Variants in EXOC4 observed in about 807,000 individuals in gnomAD.
EXOC4 encodes SEC8-like 1.
EXOC4 carries 71 observed loss-of-function variants against 107.2 expected under a neutral mutation model. That is an observed-to-expected ratio of 0.66 (90% CI 0.55 to 0.81). The LOEUF (loss-of-function observed/expected upper bound fraction) is 0.81. EXOC4 is among the 30% of genes least tolerant of loss of function. The probability of loss-of-function intolerance (pLI) is 0.00; values close to 1 mark genes in which losing one functional copy is unlikely to be tolerated. For synonymous variants in EXOC4, 456 were observed against 441.2 expected, an observed-to-expected ratio of 1.03 and a Z score of -0.42; for missense variants, 1,108 against 1,189.6, an observed-to-expected ratio of 0.93 and a Z score of 1.01.
intron 1 of EXOC4, among the ~76,000 whole-genome samples, chr7:133,255,326 G>A (rs1273384472): frequency 2.0e-5 from 3 of 151,934 alleles, no homozygotes; most frequent in African/African-American, 2.4e-5. Flanking sequence ...ATAGGCGTGC[G>A]CCACCACACC....
At chr7:133,873,058 C>T (rs184317294) in intron 11 of EXOC4, among the ~76,000 whole-genome samples, 1 of 152,248 alleles carries the variant, frequency 6.6e-6, no homozygotes. Flanking sequence ...GCCTATGATC[C>T]CAGCATTTTG....
rs528044745 is a variant in EXOC4 at position 133,596,491 on chromosome 7, C to T, written c.1418-33554C>T. ...CTATGTATTTTTGTTTGTTTATAATCGTTTGTTTGTTGTGTTTGGAGCTTG... is the reference window on the plus strand; with the variant it reads ...CTATGTATTTTTGTTTGTTTATAATTGTTTGTTTGTTGTGTTTGGAGCTTG... On this transcript the variant is annotated intron_variant, in intron 9 of 17. Transcript: ENST00000253861. Among the ~76,000 whole-genome samples the T allele has an allele frequency of 1.7e-3, 255 of 152,244 alleles. 1 individual carries two copies. The Middle Eastern group carries it at 0.017, about 10-fold the overall frequency.
intron 7 of EXOC4, among the ~76,000 whole-genome samples, chr7:133,449,837 T>G (rs921835212): frequency 3.3e-5 from 5 of 152,118 alleles, no homozygotes; most frequent in Admixed American, 2.6e-4. Context: ...CCTCCAGCTT[T>G]TCAATCTTTA....
At chr7:133,876,181 A>C (rs1798843777) in intron 11 of EXOC4, among the ~76,000 whole-genome samples, 1 of 152,012 alleles carries the variant, frequency 6.6e-6, no homozygotes, top group Admixed American at 6.6e-5. Flanking sequence ...ACATTTAAAA[A>C]ATTAACTCAT....
chr7:134,020,637 A>G (rs1396596156), intron 17 of EXOC4, among the ~76,000 whole-genome samples: 3 of 152,196 alleles, frequency 2.0e-5, no homozygotes, highest in African/African-American at 7.2e-5. Flanking sequence ...TGGCTAATAA[A>G]TCAACCTTTA....
At chr7:133,577,583 C>G (rs1801160390) in intron 9 of EXOC4, among the ~76,000 whole-genome samples, 1 of 152,174 alleles carries the variant, frequency 6.6e-6, no homozygotes, top group African/African-American at 2.4e-5. Context: ...CCTAGATCCT[C>G]TCATCCTTGT....
intron 9 of EXOC4, among the ~76,000 whole-genome samples, chr7:133,484,945 TGGCG>T (rs1469798416): frequency 1.3e-5 from 2 of 151,740 alleles, no homozygotes; most frequent in South Asian, 2.1e-4. Flanking sequence ...CCTGGCGTGG[TGGCG>T]GACACCTGTA....
intron 10 of EXOC4, among the ~76,000 whole-genome samples, chr7:133,709,751 G>C (rs1562918626): frequency 7.0e-6 from 1 of 143,484 alleles, no homozygotes; most frequent in Non-Finnish European, 1.5e-5. Context: ...CTTACTACTT[G>C]TGAAACCTTG....
At chr7:133,267,840 G>C (rs1164605794) in intron 1 of EXOC4, among the ~76,000 whole-genome samples, 3 of 152,138 alleles carry the variant, frequency 2.0e-5, no homozygotes, top group Non-Finnish European at 4.4e-5. Flanking sequence ...TGTCCTCCAT[G>C]ACCTCTCTAG....
chr7:134,082,030 C>G, the EXOC4 span, among the ~76,000 whole-genome samples: 2 of 152,154 alleles, frequency 1.3e-5, no homozygotes, highest in African/African-American at 4.8e-5. Context: ...TGGTCCTGAT[C>G]CAGACCCCAA....
At chr7:133,705,734 T>G (rs1185125609) in intron 10 of EXOC4, among the ~76,000 whole-genome samples, 1 of 152,172 alleles carries the variant, frequency 6.6e-6, no homozygotes, top group Admixed American at 6.5e-5. Context: ...AAGTGACTAA[T>G]GGACAGGTAG....
At chr7:133,569,913 C>A (rs2150958188) in intron 9 of EXOC4, among the ~76,000 whole-genome samples, 2 of 152,284 alleles carry the variant, frequency 1.3e-5, no homozygotes, top group South Asian at 4.1e-4. Flanking sequence ...TTTATGAGAT[C>A]TGGGCTTATC....
chr7:133,650,438 T>A (rs1226522527), intron 10 of EXOC4, among the ~76,000 whole-genome samples: 1 of 152,124 alleles, frequency 6.6e-6, no homozygotes, highest in East Asian at 1.9e-4. Flanking sequence ...AGAATGAAAA[T>A]TATGCCCTTT....
At chr7:133,773,508 C>G (rs1356969008) in intron 10 of EXOC4, among the ~76,000 whole-genome samples, 1 of 146,968 alleles carries the variant, frequency 6.8e-6, no homozygotes, top group East Asian at 1.9e-4. Flanking sequence ...TTTTTGAGCT[C>G]CCTGGACAAT....
chr7:133,460,115 G>A lies in EXOC4; in HGVS notation c.1183-15213G>A, dbSNP rs1317837230. 2.6e-5 allele frequency among the ~76,000 whole-genome samples: 4 copies of A among 152,152 alleles called. No homozygotes were observed. In the East Asian group the frequency reaches 7.7e-4, roughly 29 times the overall value. ...AGAGTTTTTCCATGTATGGAGGGTGGCTGGTGATGGTTTTGGAATGAAACT... is the reference window on the plus strand; with the variant it reads ...AGAGTTTTTCCATGTATGGAGGGTGACTGGTGATGGTTTTGGAATGAAACT... On this transcript the variant is annotated intron_variant, in intron 7 of 17. Transcript: ENST00000253861.
the EXOC4 span, among the ~76,000 whole-genome samples, chr7:134,071,828 T>C: frequency 0.036 from 5,411 of 152,250 alleles, 286 homozygotes; most frequent in African/African-American, 0.11. Context: ...CCCCCCTCTG[T>C]GCTATTTTGA....
intron 11 of EXOC4, among the ~76,000 whole-genome samples, chr7:133,823,846 TATATATATATATATATATATATATATTA>T (rs1797592846): frequency 1.9e-3 from 3 of 1,600 alleles, no homozygotes; most frequent in Admixed American, 0.018. Flanking sequence ...ATATATATTA[TATATATATATATATATATATATATATTA>T]TATATATATA....
At chr7:133,562,725 A>ATACAACG (rs1800833684) in intron 9 of EXOC4, among the ~76,000 whole-genome samples, 1 of 152,226 alleles carries the variant, frequency 6.6e-6, no homozygotes. Context: ...CGATACAACG[A>ATACAACG]ATACATTATT....
chr7:133,517,701 C>CT (rs1367113467), intron 9 of EXOC4, among the ~76,000 whole-genome samples: 1 of 10,862 alleles, frequency 9.2e-5, no homozygotes, highest in Non-Finnish European at 2.8e-4. Context: ...GATTCAATTA[C>CT]CCCCCACTGG....
Sources: allele counts gnomAD v4.1 joint callset (sites outside exome capture counted in the v4.1 genomes callset), GRCh38; gene constraint gnomAD v4.1.1; transcripts MANE v1.5; gene names NCBI Gene and HGNC (gene_info 2026-07-23, HGNC 2026-07-21).